The following TNXB variants were observed in gnomAD, a reference collection of about 807,000 sequenced individuals.
TNXB encodes tenascin-X.
A neutral mutation model predicts 340.5 loss-of-function variants in TNXB; 183 were observed. That is an observed-to-expected ratio of 0.54 (90% confidence interval 0.48 to 0.61). The LOEUF is 0.61. Ranked by LOEUF, TNXB falls within the 20% of genes least tolerant of loss-of-function variation. The probability of loss-of-function intolerance (pLI) is 0.00; values close to 1 mark genes in which losing one functional copy is unlikely to be tolerated. For synonymous variants in TNXB, 2,121 were observed against 2,314.5 expected (o/e 0.92, Z 2.40); for missense variants, 4,613 against 5,446.4 (o/e 0.85, Z 4.82).
At chr6:32,091,267 T>C (rs1202037673) in intron 4 of TNXB, among the ~76,000 whole-genome samples, 2 of 152,020 alleles carry the variant, frequency 1.3e-5, no homozygotes, top group Non-Finnish European at 2.9e-5. Context: ...TGCGCCACCA[T>C]GTCCGGCTAA....
At position 32,056,810 on chromosome 6, in the gene TNXB, G is replaced by C. The variant is rs778066136; in HGVS notation, c.7919C>G (p.Thr2640Ser). The change falls in exon 23 of 44, where the codon ACC becomes AGC. Residue 2640 changes from threonine (T) to serine (S), a missense_variant. Thr to Ser is a moderately conservative substitution (Grantham distance 58, BLOSUM62 1). Coordinates refer to ENST00000644971, the MANE Select transcript of TNXB (RefSeq NM_001365276.2). ...RLGELTMTDATPDSLSLSWTV... is the reference protein window; with the variant it reads ...RLGELTMTDASPDSLSLSWTV... ...CCAGGACAGGCTGAGGGAGTCAGGG[G>C]TGGCATCTGTCATGGTCAGCTCCCC... 17 of 1,613,070 alleles carry C rather than the reference G, an allele frequency of 1.1e-5. No homozygotes were observed. The highest frequency in any genetic ancestry group is 1.4e-5 in the Non-Finnish European group (17 of 1,179,842).
At chr6:32,091,480 A>ATT (rs778449973) in intron 4 of TNXB, among the ~76,000 whole-genome samples, 1 of 122,790 alleles carries the variant, frequency 8.1e-6, no homozygotes, top group African/African-American at 3.0e-5. Context: ...TGCTTCACTG[A>ATT]TTTTTTTTTT....
At position 32,085,852 on chromosome 6, in the gene TNXB, G is replaced by T. The variant is rs2127264847; in HGVS notation, c.3046C>A (p.Leu1016Met). ...GTTCCAGGAGGGGGTGGAGGCACCAGAGCCTGGCGGACGTCCCCTGGCAGC... is the reference window on the plus strand; with the variant it reads ...GTTCCAGGAGGGGGTGGAGGCACCATAGCCTGGCGGACGTCCCCTGGCAGC... ...EVLPGDVRQA[L>M]VPPPPPGTPY... Residue 1016 changes from leucine to methionine, a missense_variant, in exon 7 of 44, where the codon CTG becomes ATG. Physicochemically the swap from Leu to Met is conservative, Grantham distance 15. Transcript: ENST00000644971. This position sits in a 1 kb window ranked among gnomAD's most constrained non-coding sequence, Gnocchi z 6.4. 6.2e-7 allele frequency: 1 copy of T among 1,608,184 alleles called. No homozygotes were observed.
chr6:32,086,087 G>C lies in TNXB; in HGVS notation c.2811C>G (p.Thr937=). 6.4e-7 allele frequency: 1 copy of C among 1,563,900 alleles called. No homozygotes were observed. Among genetic ancestry groups the C allele is most frequent in the Non-Finnish European group, 8.7e-7 (1 of 1,154,820 alleles). ...AGGGGCCTGAGGGAGGAGGCTCATC[G>C]GTAGTCCCCAAGAGGCCCAAGGGTG... The part of the protein sequence containing the change: ...GSSPLGLLGT[T]DEPPPSGPST... Residue 937 remains threonine (T), a synonymous_variant, in exon 7 of 44, where the codon ACC becomes ACG. Coordinates refer to ENST00000644971, the MANE Select transcript of TNXB (RefSeq NM_001365276.2).
At chr6:32,102,600 C>G (rs1456241493) in intron 1 of TNXB, among the ~76,000 whole-genome samples, 1 of 152,010 alleles carries the variant, frequency 6.6e-6, no homozygotes, top group Non-Finnish European at 1.5e-5. Flanking sequence ...AGAAAACACT[C>G]TGAATAATGC....
chr6:32,098,614 G>C (rs915573282), intron 1 of TNXB, among the ~76,000 whole-genome samples: 1 of 152,138 alleles, frequency 6.6e-6, no homozygotes, highest in African/African-American at 2.4e-5. Flanking sequence ...CTGAGTAGCT[G>C]GGATTACAGG....
Position 32,046,163 on chromosome 6 carries a change from C to A in TNXB, c.10606+12G>T, listed in dbSNP as rs1006745835. Reference sequence around the variant, plus strand: ...CAAGCTGGCTTGCTATAGCCAGGCACAGCAGCCTCACCTGTCATTCCCAGG... The same window carrying A: ...CAAGCTGGCTTGCTATAGCCAGGCAAAGCAGCCTCACCTGTCATTCCCAGG... On this transcript the variant is annotated intron_variant, in intron 31 of 43. Coordinates refer to ENST00000644971, the MANE Select transcript of TNXB (RefSeq NM_001365276.2). The surrounding 1 kb of genome is among the most constrained non-coding windows in gnomAD (Gnocchi z 6.9). The A allele has an allele frequency of 6.3e-7, 1 of 1,576,724 alleles. No individual in the cohort carries two copies. The highest frequency in any genetic ancestry group is 8.7e-7 in the Non-Finnish European group (1 of 1,155,680).
rs1240973239 is a variant in TNXB, at chr6:32,079,175, C to A, written c.4233G>T (p.Gly1411=). ...SFTVQYKDRD[G]RPRAVRVGGK... is the part of the protein sequence containing the mutation. ...CCCCAACACGCACCGCCCGGGGCCGCCCATCCCTGTCCTTGTACTGCACGG... is the reference window on the plus strand; with the variant it reads ...CCCCAACACGCACCGCCCGGGGCCGACCATCCCTGTCCTTGTACTGCACGG... Residue 1411 remains glycine (G), a synonymous_variant, in exon 11 of 44, where the codon GGG becomes GGT. Coordinates refer to ENST00000644971, the MANE Select transcript of TNXB (RefSeq NM_001365276.2). The surrounding 1 kb of genome is among the most constrained non-coding windows in gnomAD (Gnocchi z 7.1). 3 of 1,613,770 alleles carry A rather than the reference C, an allele frequency of 1.9e-6. No homozygotes were observed. Among genetic ancestry groups the A allele is most frequent in the Non-Finnish European group, 2.5e-6 (3 of 1,179,894 alleles).
In TNXB at chr6:32,042,447, C is replaced by T; in HGVS notation, c.12210+8G>A. 6.2e-7 allele frequency: 1 copy of T among 1,611,578 alleles called. No individual in the cohort carries two copies. Among genetic ancestry groups the T allele is most frequent in the South Asian group, 1.1e-5 (1 of 90,960 alleles). ...GCACAGACCCCTGGGCTTCCCAATG[C>T]CACCCACCAGCCAGCCGCCCCCATC... On this transcript the variant is annotated splice_region_variant and intron_variant, in intron 40 of 43. Coordinates refer to ENST00000644971, the MANE Select transcript of TNXB (RefSeq NM_001365276.2).
At chr6:32,063,062 A>C (rs1343125944) in intron 19 of TNXB, among the ~76,000 whole-genome samples, 2 of 150,546 alleles carry the variant, frequency 1.3e-5, no homozygotes, top group East Asian at 3.9e-4. Context: ...CAAGAAAAAA[A>C]CAAACAAACA....
chr6:32,055,081 T>C (rs2151899374), intron 24 of TNXB, among the ~76,000 whole-genome samples: 1 of 152,338 alleles, frequency 6.6e-6, no homozygotes, highest in East Asian at 1.9e-4. Context: ...TTGGCCTTGC[T>C]CTAGTTGACC....
intron 21 of TNXB, among the ~76,000 whole-genome samples, chr6:32,060,101 G>A (rs1370719728): frequency 1.3e-5 from 2 of 151,926 alleles, no homozygotes; most frequent in Admixed American, 6.5e-5. Flanking sequence ...TTGGGAGGCC[G>A]AGGCGGGCAG....
chr6:32,060,100 C>T (rs1389499099), intron 21 of TNXB, among the ~76,000 whole-genome samples: 4 of 151,756 alleles, frequency 2.6e-5, no homozygotes, highest in African/African-American at 4.9e-5. Flanking sequence ...TTTGGGAGGC[C>T]GAGGCGGGCA....
chr6:32,093,330 A>T (rs1780164603), intron 4 of TNXB: 1 of 689,916 alleles, frequency 1.4e-6, no homozygotes, highest in Non-Finnish European at 2.7e-6. Flanking sequence ...TTTTTATAAC[A>T]ACAACAAAAA....
chr6:32,078,984 G>A, intron 11 of TNXB, 49 bp downstream of exon 11: 1 of 1,565,198 alleles, frequency 6.4e-7, no homozygotes, highest in Non-Finnish European at 8.6e-7. Flanking sequence ...AGGGAAGCTG[G>A]GAGCCAGCAG....
Position 32,064,714 on chromosome 6 carries a change from G to A in TNXB, c.6841+107C>T. The stretch of plus-strand genomic sequence containing the variant: ...CCAGCAGAACCATTCCCAGGAGCTT[G>A]GGAGGCTTGGTCTCAGGGAAAGTAA... On this transcript the variant is annotated intron_variant, in intron 19 of 43. Coordinates refer to ENST00000644971, the MANE Select transcript of TNXB (RefSeq NM_001365276.2). The surrounding 1 kb of genome is among the most constrained non-coding windows in gnomAD (Gnocchi z 5.3). 7.0e-7 allele frequency: 1 copy of A among 1,428,178 alleles called. No homozygotes were observed. Among genetic ancestry groups the A allele is most frequent in the Non-Finnish European group, 9.3e-7 (1 of 1,075,512 alleles). 88.5% of individuals were successfully genotyped at this position (1,428,178 alleles called of 1,614,324 possible). A position where few individuals can be genotyped will look rare whatever the true frequency, so the allele number is the denominator to read the frequency against.
intron 19 of TNXB, among the ~76,000 whole-genome samples, chr6:32,063,153 C>T (rs1206396483): frequency 2.0e-5 from 3 of 152,056 alleles, no homozygotes; most frequent in African/African-American, 4.8e-5. Flanking sequence ...TTTGGGAGGC[C>T]GAGGCGGGAG....
At chr6:32,050,365 G>T in intron 26 of TNXB, 44 bp from the exon 27 acceptor site, 1 of 1,597,312 alleles carries the variant, frequency 6.3e-7, no homozygotes, top group Non-Finnish European at 8.6e-7. Context: ...TGGGTTCTCA[G>T]TTCAGCATAG....
Position 32,090,131 on chromosome 6 carries a change from T to C in TNXB, c.2359-752A>G, listed in dbSNP as rs1161491993. On this transcript the variant is annotated intron_variant, in intron 4 of 43. Transcript: ENST00000644971. This position sits in a 1 kb window ranked among gnomAD's most constrained non-coding sequence, Gnocchi z 4.3. ...AAAGTTCCACAAATATGTTTCCTGA[T>C]TGTTGATTTTGTACCTGGCATCATG... Among the ~76,000 whole-genome samples, 1 of 152,224 alleles carries C rather than the reference T, an allele frequency of 6.6e-6. No individual in the cohort carries two copies. The highest frequency in any genetic ancestry group is 1.5e-5 in the Non-Finnish European group (1 of 68,040).
Sources: allele counts gnomAD v4.1 joint callset (sites outside exome capture counted in the v4.1 genomes callset), GRCh38; gene constraint gnomAD v4.1.1; non-coding constraint Gnocchi (gnomAD v3.1); transcripts MANE v1.5; gene names NCBI Gene and HGNC (gene_info 2026-07-23, HGNC 2026-07-21).